MCHR2: variants seen among roughly 807,000 people sequenced by gnomAD.
The protein encoded by MCHR2 is melanin concentrating hormone receptor 2.
In MCHR2, 15 loss-of-function variants were observed where a neutral mutation model predicts 24.8. The ratio of observed to expected loss-of-function variants is 0.60; its 90% CI spans 0.40 to 0.93. MCHR2 has a LOEUF of 0.93. Among genes scored for constraint, MCHR2 ranks in the 40% least tolerant of loss-of-function variants. MCHR2 has a pLI of 0.00. For missense variants in MCHR2, 386 were observed against 408.7 expected (o/e 0.94, Z 0.48); for synonymous variants, 151 against 147.6 (o/e 1.02, Z -0.17).
rs1350243280 is a variant in MCHR2, at chr6:99,919,033, T to C, written c.*1907A>G. On this transcript the variant is annotated 3_prime_UTR_variant, in exon 6 of 6. Coordinates refer to ENST00000281806, the MANE Select transcript of MCHR2 (RefSeq NM_001040179.2). ...ATAATAAGATGTTTCTGACCCATTG[T>C]GCTGGGTCTTCAGAAGTCAATATTA... 3.9e-5 allele frequency among the ~76,000 whole-genome samples: 6 copies of C among 152,222 alleles called. No homozygotes were observed. The highest frequency in any genetic ancestry group is 5.9e-5 in the Non-Finnish European group (4 of 68,042).
intron 4 of MCHR2, among the ~76,000 whole-genome samples, chr6:99,942,721 G>T (rs982997425): frequency 6.6e-6 from 1 of 152,180 alleles, no homozygotes; most frequent in Non-Finnish European, 1.5e-5. Flanking sequence ...AAATATATTT[G>T]TGTCCACTGA....
At chr6:99,984,262 T>C (rs200384617) in intron 1 of MCHR2, among the ~76,000 whole-genome samples, 20 of 101,278 alleles carry the variant, frequency 2.0e-4, no homozygotes, top group East Asian at 7.9e-4. Context: ...ATTTATTTAT[T>C]TTTCTTTATT....
At chr6:99,922,175 C>T (rs1385171851) in intron 5 of MCHR2, among the ~76,000 whole-genome samples, 1 of 149,294 alleles carries the variant, frequency 6.7e-6, no homozygotes, top group Admixed American at 6.7e-5. Flanking sequence ...GGCACAATCT[C>T]GGCTCACTGC....
chr6:99,938,381 T>C (rs1040981932), intron 4 of MCHR2, among the ~76,000 whole-genome samples: 3 of 152,078 alleles, frequency 2.0e-5, no homozygotes, highest in Non-Finnish European at 4.4e-5. Context: ...CCCATAGATT[T>C]TGGTATGTTG....
At chr6:99,939,521 T>C (rs896144471) in intron 4 of MCHR2, among the ~76,000 whole-genome samples, 5 of 152,120 alleles carry the variant, frequency 3.3e-5, no homozygotes, top group Admixed American at 3.3e-4. Context: ...ATTTCCATAT[T>C]ATCTGTCTCT....
At position 99,968,780 on chromosome 6, in the gene MCHR2, G is replaced by GT. The variant is rs887769743; in HGVS notation, c.-27-12607dup. ...TTTCAAAGAATTGAAATCATATAGTGTTTTTTTTTTACCATAACAAAATCA... is the reference window on the plus strand; with the variant it reads ...TTTCAAAGAATTGAAATCATATAGTGTTTTTTTTTTTACCATAACAAAATCA... On this transcript the variant is annotated intron_variant, in intron 1 of 5. Transcript: ENST00000281806. Among the ~76,000 whole-genome samples, 276 of 147,938 alleles carry GT rather than the reference G, an allele frequency of 1.9e-3. 3 individuals are homozygous for GT. Among genetic ancestry groups the GT allele is most frequent in the South Asian group, 4.3e-3 (20 of 4,618 alleles).
At position 99,957,635 on chromosome 6, in the gene MCHR2, C is replaced by T. The variant is rs180816035; in HGVS notation, c.-27-1461G>A. On this transcript the variant is annotated intron_variant, in intron 1 of 5. Transcript: ENST00000281806. ...TAAGAAAGTCTCAGAGTTGTTATTACGTAACTCTAAGAGAATTTAGTAAGT... is the reference window on the plus strand; with the variant it reads ...TAAGAAAGTCTCAGAGTTGTTATTATGTAACTCTAAGAGAATTTAGTAAGT... Among the ~76,000 whole-genome samples the T allele has an allele frequency of 1.9e-3, 282 of 151,970 alleles. 2 individuals carry two copies. Among genetic ancestry groups the T allele is most frequent in the Admixed American group, 0.014 (208 of 15,236 alleles).
chr6:99,948,906 C>G (rs1422255192), intron 2 of MCHR2, among the ~76,000 whole-genome samples: 1 of 152,040 alleles, frequency 6.6e-6, no homozygotes, highest in Non-Finnish European at 1.5e-5. Flanking sequence ...GAGATCCAGA[C>G]AGTGAGAGTC....
intron 1 of MCHR2, among the ~76,000 whole-genome samples, chr6:99,976,363 C>T (rs1367053181): frequency 6.6e-6 from 1 of 152,176 alleles, no homozygotes. Flanking sequence ...TGCACATTTT[C>T]AGCCTACATG....
intron 1 of MCHR2, among the ~76,000 whole-genome samples, chr6:99,981,410 G>A (rs2114587345): frequency 6.6e-6 from 1 of 151,964 alleles, no homozygotes; most frequent in African/African-American, 2.4e-5. Flanking sequence ...CTTGTGACTG[G>A]AGCTGTTTTC....
chr6:99,975,576 C>T (rs571627049), intron 1 of MCHR2, among the ~76,000 whole-genome samples: 1 of 152,232 alleles, frequency 6.6e-6, no homozygotes, highest in Non-Finnish European at 1.5e-5. Flanking sequence ...GCTGCACCCA[C>T]TGTCCTGCAC....
At chr6:99,974,340 A>T (rs992640111) in intron 1 of MCHR2, among the ~76,000 whole-genome samples, 4 of 152,122 alleles carry the variant, frequency 2.6e-5, no homozygotes, top group South Asian at 2.1e-4. Flanking sequence ...ACTTTCTTCC[A>T]GTTGATTGCA....
chr6:99,993,370 G>C (rs545425791), intron 1 of MCHR2, among the ~76,000 whole-genome samples: 1 of 152,302 alleles, frequency 6.6e-6, no homozygotes, highest in African/African-American at 2.4e-5. Context: ...TGTGACAGAG[G>C]AATAATATTA....
chr6:99,990,757 G>GTC (rs1335442795), intron 1 of MCHR2, among the ~76,000 whole-genome samples: 1 of 151,484 alleles, frequency 6.6e-6, no homozygotes, highest in Non-Finnish European at 1.5e-5. Context: ...TCTCCTCTCT[G>GTC]TCTCTCTCTA....
chr6:99,971,906 G>A, intron 1 of MCHR2, among the ~76,000 whole-genome samples: 1 of 152,222 alleles, frequency 6.6e-6, no homozygotes, highest in Non-Finnish European at 1.5e-5. Flanking sequence ...TCCCAGGGAT[G>A]AAGCCCATTT....
At chr6:99,982,942 G>C (rs889504651) in intron 1 of MCHR2, among the ~76,000 whole-genome samples, 1 of 151,836 alleles carries the variant, frequency 6.6e-6, no homozygotes, top group African/African-American at 2.4e-5. Flanking sequence ...TGATGTTTTT[G>C]TTTTTTTGTT....
intron 3 of MCHR2, among the ~76,000 whole-genome samples, chr6:99,946,360 T>A (rs1362409392): frequency 6.6e-6 from 1 of 152,202 alleles, no homozygotes; most frequent in East Asian, 1.9e-4. Flanking sequence ...TATTTAAAAA[T>A]TTACCATTAT....
At position 99,923,281 on chromosome 6, in the gene MCHR2, T is replaced by G. The variant is rs546808636; in HGVS notation, c.708-2026A>C. ...ATTTGTTTATCAGTTCTAATAGTTT[T>G]TTTTGTGTGTGGAGTCTTTAGAGTT... On this transcript the variant is annotated intron_variant, in intron 5 of 5. Coordinates refer to ENST00000281806, the MANE Select transcript of MCHR2 (RefSeq NM_001040179.2). 7.7e-4 allele frequency among the ~76,000 whole-genome samples: 117 copies of G among 152,284 alleles called. 1 individual carries two copies. Among genetic ancestry groups the G allele is most frequent in the Non-Finnish European group, 1.4e-3 (93 of 67,980 alleles).
At chr6:99,993,152 A>G (rs1440651376) in intron 1 of MCHR2, among the ~76,000 whole-genome samples, 1 of 152,188 alleles carries the variant, frequency 6.6e-6, no homozygotes, top group Non-Finnish European at 1.5e-5. Flanking sequence ...CACCTCAAAC[A>G]AAGATATTAG....
Sources: gnomAD v4.1 joint callset for allele counts (sites outside exome capture counted in the v4.1 genomes callset) on GRCh38, gnomAD v4.1.1 for gene constraint, MANE v1.5 for transcripts, NCBI Gene and HGNC (gene_info 2026-07-23, HGNC 2026-07-21) for gene names.